CTNNA3: variants seen among roughly 807,000 people sequenced by gnomAD.
CTNNA3 encodes catenin alpha 3.
In CTNNA3, 76 loss-of-function variants were observed where a neutral mutation model predicts 95.7. The ratio of observed to expected loss-of-function variants is 0.79; its 90% CI spans 0.66 to 0.96. The LOEUF (loss-of-function observed/expected upper bound fraction) is 0.96. Among genes scored for constraint, CTNNA3 ranks in the 40% least tolerant of loss-of-function variants. The probability of loss-of-function intolerance (pLI) is 0.00; values close to 1 mark genes in which losing one functional copy is unlikely to be tolerated. For synonymous variants in CTNNA3, 431 were observed against 374.4 expected (o/e 1.15, Z -1.74); for missense variants, 1,191 against 1,089.8 (o/e 1.09, Z -1.31).
At chr10:67,310,994 C>G (rs971016348) in intron 5 of CTNNA3, among the ~76,000 whole-genome samples, 7 of 152,124 alleles carry the variant, frequency 4.6e-5, no homozygotes, top group Non-Finnish European at 8.8e-5. Flanking sequence ...TTTTGTTTTA[C>G]TTTTCCCCAG....
At chr10:66,328,260 T>C (rs2092280471) in intron 12 of CTNNA3, among the ~76,000 whole-genome samples, 1 of 152,132 alleles carries the variant, frequency 6.6e-6, no homozygotes, top group African/African-American at 2.4e-5. Context: ...ATTGTCATGT[T>C]ATAAATGGCA....
intron 17 of CTNNA3, among the ~76,000 whole-genome samples, chr10:65,951,133 C>A (rs1253256593): frequency 1.3e-5 from 2 of 152,202 alleles, no homozygotes; most frequent in Non-Finnish European, 2.9e-5. Context: ...CTCACTGATG[C>A]AGATTGCTTA....
intron 10 of CTNNA3, among the ~76,000 whole-genome samples, chr10:66,603,738 A>G (rs1304551200): frequency 6.6e-6 from 1 of 152,160 alleles, no homozygotes; most frequent in African/African-American, 2.4e-5. Flanking sequence ...AGGCATATAG[A>G]ACAATGGAAC....
At chr10:67,527,887 G>A (rs931445133) in intron 4 of CTNNA3, among the ~76,000 whole-genome samples, 6 of 152,196 alleles carry the variant, frequency 3.9e-5, no homozygotes, top group African/African-American at 1.4e-4. Flanking sequence ...AGAGTCTTTT[G>A]AGAAAGCTAG....
At position 67,259,542 on chromosome 10, in the gene CTNNA3, A is replaced by G. The variant is rs569407506; in HGVS notation, c.580-39672T>C. 4.6e-5 allele frequency among the ~76,000 whole-genome samples: 7 copies of G among 152,344 alleles called. No individual in the cohort carries two copies. In the South Asian group the frequency reaches 1.4e-3, roughly 32 times the overall value. ...GCTTGGATCACTTTACAGAGTGAAT[A>G]ATACTTATCACAAGGAGAGTTTGGA... is the stretch of plus-strand genomic sequence containing the variant. On this transcript the variant is annotated intron_variant, in intron 5 of 17. Transcript: ENST00000433211.
chr10:66,646,010 C>T (rs1445485009), intron 9 of CTNNA3, among the ~76,000 whole-genome samples: 1 of 152,074 alleles, frequency 6.6e-6, no homozygotes, highest in Non-Finnish European at 1.5e-5. Context: ...ACTTTATTTA[C>T]CTCTTTTTAT....
chr10:66,708,133 A>G (rs564497936), intron 9 of CTNNA3, among the ~76,000 whole-genome samples: 2 of 152,118 alleles, frequency 1.3e-5, no homozygotes, highest in Admixed American at 6.6e-5. Context: ...TATAAAACAC[A>G]TCAACTCTGG....
intron 9 of CTNNA3, among the ~76,000 whole-genome samples, chr10:66,677,789 G>T (rs550169379): frequency 6.6e-6 from 1 of 151,888 alleles, no homozygotes; most frequent in Non-Finnish European, 1.5e-5. Flanking sequence ...TAAATTACCC[G>T]GTCTCTGGTA....
At chr10:67,042,164 T>C (rs1015631000) in intron 7 of CTNNA3, among the ~76,000 whole-genome samples, 2 of 152,132 alleles carry the variant, frequency 1.3e-5, no homozygotes, top group Non-Finnish European at 2.9e-5. Flanking sequence ...GTTTTATGTA[T>C]ACATTAAAAA....
intron 13 of CTNNA3, among the ~76,000 whole-genome samples, chr10:66,245,240 G>A (rs74338631): frequency 6.6e-6 from 1 of 152,296 alleles, no homozygotes; most frequent in East Asian, 1.9e-4. Flanking sequence ...CAGGCACACT[G>A]CAAGCAGCTT....
Position 66,037,961 on chromosome 10 carries a change from C to T in CTNNA3, c.2159+31347G>A, listed in dbSNP as rs573739954. On this transcript the variant is annotated intron_variant, in intron 15 of 17. Transcript: ENST00000433211. ...GCCCAAATGGAAAGGATGCATAAAG[C>T]GAAGGGGAGGGACAGACCACAAAGC... is the stretch of plus-strand genomic sequence containing the variant. 3.3e-5 allele frequency among the ~76,000 whole-genome samples: 5 copies of T among 152,142 alleles called. No individual in the cohort carries two copies. In the East Asian group the frequency reaches 5.8e-4, roughly 18 times the overall value.
At chr10:67,603,627 G>A (rs1227977993) in intron 3 of CTNNA3, among the ~76,000 whole-genome samples, 1 of 151,620 alleles carries the variant, frequency 6.6e-6, no homozygotes, top group Non-Finnish European at 1.5e-5. Context: ...AATTAAAAAT[G>A]TAAAAAAGAA....
chr10:67,324,120 T>G (rs922994402), intron 5 of CTNNA3, among the ~76,000 whole-genome samples: 1 of 152,142 alleles, frequency 6.6e-6, no homozygotes, highest in African/African-American at 2.4e-5. Context: ...TTAAGAAGCT[T>G]TTGGGCTGAG....
intron 6 of CTNNA3, among the ~76,000 whole-genome samples, chr10:67,217,121 A>G (rs1864407075): frequency 6.6e-6 from 1 of 152,228 alleles, no homozygotes; most frequent in Non-Finnish European, 1.5e-5. Context: ...ATTCCACACT[A>G]TAAACATTTA....
chr10:67,226,544 G>C (rs1034860604), intron 5 of CTNNA3, among the ~76,000 whole-genome samples: 2 of 152,232 alleles, frequency 1.3e-5, no homozygotes, highest in East Asian at 3.8e-4. Flanking sequence ...AACCCTACAA[G>C]TAAGAAGCAA....
At chr10:67,050,007 T>C (rs1854984145) in intron 7 of CTNNA3, among the ~76,000 whole-genome samples, 1 of 152,232 alleles carries the variant, frequency 6.6e-6, no homozygotes, top group South Asian at 2.1e-4. Context: ...CAGTATCCAT[T>C]TGTAAGTTAG....
chr10:66,086,342 G>A (rs2080983565), intron 14 of CTNNA3, among the ~76,000 whole-genome samples: 1 of 152,070 alleles, frequency 6.6e-6, no homozygotes, highest in Non-Finnish European at 1.5e-5. Flanking sequence ...CTTTCAGGAA[G>A]ATATATTCCA....
chr10:66,700,103 T>C (rs1254808467), intron 9 of CTNNA3, among the ~76,000 whole-genome samples: 1 of 152,194 alleles, frequency 6.6e-6, no homozygotes, highest in Non-Finnish European at 1.5e-5. Flanking sequence ...AGTTTGTCTT[T>C]TTATTCTGAT....
intron 1 of CTNNA3, among the ~76,000 whole-genome samples, chr10:67,736,317 T>C (rs897292555): frequency 6.6e-6 from 1 of 152,126 alleles, no homozygotes; most frequent in Non-Finnish European, 1.5e-5. Context: ...GAGTTTCTGT[T>C]TGGGATGATT....
Sources: allele counts gnomAD v4.1 joint callset (sites outside exome capture counted in the v4.1 genomes callset), GRCh38; gene constraint gnomAD v4.1.1; transcripts MANE v1.5; gene names NCBI Gene and HGNC (gene_info 2026-07-23, HGNC 2026-07-21).